The following HYCC1 variants were observed in gnomAD, a reference collection of about 807,000 sequenced individuals.
HYCC1 encodes hyccin.
At chr7:22,918,353 CAAT>C in the HYCC1 span, among the ~76,000 whole-genome samples, 1 of 152,132 alleles carries the variant, frequency 6.6e-6, no homozygotes, top group East Asian at 1.9e-4. Context: ...AACAACCCCA[CAAT>C]ATCATCCCTT....
the HYCC1 span, among the ~76,000 whole-genome samples, chr7:22,910,716 G>C: frequency 9.0e-4 from 137 of 152,158 alleles, no homozygotes; most frequent in African/African-American, 3.0e-3. Flanking sequence ...TAAATCATAA[G>C]CAGATCTATT....
chr7:22,960,878 T>G, the HYCC1 span, among the ~76,000 whole-genome samples: 1 of 151,992 alleles, frequency 6.6e-6, no homozygotes, highest in Non-Finnish European at 1.5e-5. Flanking sequence ...GAATAAATCC[T>G]GTCTCTACTA....
the HYCC1 span, chr7:22,940,236 G>GTTTTTTTTTTTTTTT: frequency 2.3e-5 from 2 of 87,188 alleles, no homozygotes; most frequent in African/African-American, 5.1e-5. Flanking sequence ...AATAGGTTCT[G>GTTTTTTTTTTTTTTT]TTTTTTTTTT....
the HYCC1 span, among the ~76,000 whole-genome samples, chr7:22,978,717 T>C: frequency 1.3e-5 from 2 of 152,122 alleles, no homozygotes; most frequent in African/African-American, 2.4e-5. Context: ...AGTTTATAAT[T>C]TGACAGCATC....
At chr7:22,914,180 A>T in the HYCC1 span, among the ~76,000 whole-genome samples, 3 of 152,082 alleles carry the variant, frequency 2.0e-5, no homozygotes, top group Non-Finnish European at 2.9e-5. Context: ...CTGATTATTC[A>T]CCCACACTCC....
the HYCC1 span, among the ~76,000 whole-genome samples, chr7:23,001,895 A>T: frequency 0.052 from 7,610 of 146,888 alleles, 216 homozygotes; most frequent in Non-Finnish European, 0.056. Context: ...TATGGCAAAC[A>T]TTTTTTTTTT....
the HYCC1 span, among the ~76,000 whole-genome samples, chr7:22,959,732 G>T: frequency 6.6e-6 from 1 of 151,844 alleles, no homozygotes. Flanking sequence ...GACAAGAAGG[G>T]ATATATATAT....
the HYCC1 span, chr7:22,978,375 A>C: frequency 1.2e-6 from 2 of 1,614,064 alleles, no homozygotes; most frequent in Admixed American, 3.3e-5. Flanking sequence ...GAGAAATTGC[A>C]GCGTAAATTG....
chr7:22,907,396 C>G, the HYCC1 span, among the ~76,000 whole-genome samples: 1 of 152,198 alleles, frequency 6.6e-6, no homozygotes, highest in African/African-American at 2.4e-5. Flanking sequence ...CAGGCAACCT[C>G]ATCACGGAAT....
At chr7:22,946,994 GCC>G in the HYCC1 span, 2 of 1,549,442 alleles carry the variant, frequency 1.3e-6, no homozygotes, top group South Asian at 2.4e-5. Flanking sequence ...ACTGCACTCT[GCC>G]AGGTGAGTTT....
chr7:22,912,179 C>T, the HYCC1 span, among the ~76,000 whole-genome samples: 1 of 152,150 alleles, frequency 6.6e-6, no homozygotes, highest in African/African-American at 2.4e-5. Flanking sequence ...AAGCATACAG[C>T]AAATGAAGAA....
chr7:22,931,308 A>C, the HYCC1 span, among the ~76,000 whole-genome samples: 40 of 151,078 alleles, frequency 2.6e-4, no homozygotes, highest in African/African-American at 8.8e-4. Flanking sequence ...TGACACTTCT[A>C]CACCCTTCAA....
chr7:22,979,644 C>T, the HYCC1 span, among the ~76,000 whole-genome samples: 2 of 152,088 alleles, frequency 1.3e-5, no homozygotes, highest in Non-Finnish European at 2.9e-5. Context: ...AACATCCCTC[C>T]CTCATCTCTA....
the HYCC1 span, among the ~76,000 whole-genome samples, chr7:22,958,106 C>A: frequency 6.6e-6 from 1 of 151,998 alleles, no homozygotes; most frequent in Non-Finnish European, 1.5e-5. Context: ...ACCTTCCCCA[C>A]AGGAAGCCAG....
chr7:22,964,454 C>A, the HYCC1 span: 2 of 1,608,894 alleles, frequency 1.2e-6, no homozygotes, highest in South Asian at 1.1e-5. Flanking sequence ...CACCATGAAT[C>A]CTGAAGAAAC....
the HYCC1 span, among the ~76,000 whole-genome samples, chr7:22,918,249 T>C: frequency 0.25 from 38,380 of 152,088 alleles, 5,022 homozygotes; most frequent in East Asian, 0.48. Context: ...CTCCTTCTTT[T>C]ATTTGGACCT....
the HYCC1 span, among the ~76,000 whole-genome samples, chr7:22,962,132 G>C: frequency 9.9e-5 from 15 of 152,192 alleles, no homozygotes; most frequent in African/African-American, 3.1e-4. Flanking sequence ...AGGTAACAAG[G>C]GCTTCCACAT....
chr7:22,942,854 C>A, the HYCC1 span: 1 of 152,074 alleles, frequency 6.6e-6, no homozygotes, highest in African/African-American at 2.4e-5. Flanking sequence ...TTCATAATTT[C>A]TATAAAAACT....
chr7:22,902,605 GAC>G, the HYCC1 span, among the ~76,000 whole-genome samples: 5 of 152,018 alleles, frequency 3.3e-5, no homozygotes, highest in African/African-American at 4.8e-5. Context: ...GAACTGGATA[GAC>G]AGTCCAGAAA....
Sources: allele counts gnomAD v4.1 joint callset (sites outside exome capture counted in the v4.1 genomes callset), GRCh38; gene constraint gnomAD v4.1.1; transcripts MANE v1.5; gene names NCBI Gene and HGNC (gene_info 2026-07-23, HGNC 2026-07-21).